The following COPZ1 variants were observed in gnomAD, a reference collection of about 807,000 sequenced individuals.
COPZ1 encodes the protein coat protein complex I subunit zeta 1, also known as coatomer subunit zeta-1.
A neutral mutation model predicts 31.7 loss-of-function variants in COPZ1; 4 were observed. The ratio of observed to expected loss-of-function variants is 0.13; its 90% CI spans 0.06 to 0.29. The LOEUF (loss-of-function observed/expected upper bound fraction) is 0.29. Ranked by LOEUF, COPZ1 falls within the 10% of genes least tolerant of loss-of-function variation. The pLI is 1.00. For missense variants in COPZ1, 156 were observed against 211.5 expected (o/e 0.74, Z 1.63); for synonymous variants, 74 against 79.0 (o/e 0.94, Z 0.33).
At chr12:54,326,124 A>AATTATTATTATTATT (rs377508362) in intron 1 of COPZ1, among the ~76,000 whole-genome samples, 3,934 of 139,132 alleles carry the variant, frequency 0.028, 94 homozygotes, top group Non-Finnish European at 0.04. Flanking sequence ...CCTGGCCAGG[A>AATTATTATTATTATT]ATTATTATTA....
Position 54,338,253 on chromosome 12 carries a change from CTTCTT to C in COPZ1, c.19-2288_19-2284del, listed in dbSNP as rs1230494583. 7.2e-5 allele frequency among the ~76,000 whole-genome samples: 11 copies of C among 152,328 alleles called. 1 individual carries two copies. Among genetic ancestry groups the C allele is most frequent in the African/African-American group, 2.6e-4 (11 of 41,572 alleles). On this transcript the variant is annotated intron_variant, in intron 1 of 8. Transcript: ENST00000262061. ...TCGTCTAAATTTTGTTCCTTTTGGACTTCTTTTCTTCCATTAAGAAAACTCATTCC... is the reference window on the plus strand; with the variant it reads ...TCGTCTAAATTTTGTTCCTTTTGGACTTCTTCCATTAAGAAAACTCATTCC...
chr12:54,343,142 C>G (rs1466453497), intron 3 of COPZ1, 83 bp from the exon 4 acceptor site: 2 of 1,061,136 alleles, frequency 1.9e-6, no homozygotes, highest in Non-Finnish European at 1.5e-6. Context: ...CAGGCATGAG[C>G]CACTGCGCCT....
intron 8 of COPZ1, 86 bp downstream of exon 8, chr12:54,349,744 G>C: frequency 9.1e-7 from 1 of 1,099,332 alleles, no homozygotes; most frequent in Non-Finnish European, 1.4e-6. Flanking sequence ...TCAAATCTGA[G>C]TGAAACTAGA....
chr12:54,327,465 CTT>C (rs1362211061), intron 1 of COPZ1, among the ~76,000 whole-genome samples: 1 of 151,622 alleles, frequency 6.6e-6, no homozygotes, highest in Non-Finnish European at 1.5e-5. Flanking sequence ...ACCTGGCTAA[CTT>C]TTTTGTATTT....
chr12:54,343,118 A>G (rs1008700768), intron 3 of COPZ1, 107 bp from the exon 4 acceptor site: 1 of 856,524 alleles, frequency 1.2e-6, no homozygotes, highest in Admixed American at 1.9e-5. Flanking sequence ...CGGCTTCCCA[A>G]GGTGCTGGGA....
chr12:54,350,041 A>G, intron 8 of COPZ1: 1 of 598,598 alleles, frequency 1.7e-6, no homozygotes, highest in Non-Finnish European at 3.0e-6. Flanking sequence ...TGCATATTCT[A>G]GAATATGCAG....
intron 1 of COPZ1, among the ~76,000 whole-genome samples, chr12:54,332,605 G>A (rs749488888): frequency 2.0e-5 from 3 of 151,964 alleles, no homozygotes; most frequent in Non-Finnish European, 2.9e-5. Context: ...GTGGTGGTGG[G>A]TGCCTGTAAT....
At chr12:54,343,106 C>A in intron 3 of COPZ1, 119 bp from the exon 4 acceptor site, 1 of 781,550 alleles carries the variant, frequency 1.3e-6, no homozygotes, top group Non-Finnish European at 2.2e-6. Flanking sequence ...ATCCGCCAGG[C>A]TCGGCTTCCC....
intron 4 of COPZ1, among the ~76,000 whole-genome samples, chr12:54,343,532 A>G (rs1954009371): frequency 6.6e-6 from 1 of 152,242 alleles, no homozygotes; most frequent in South Asian, 2.1e-4. Flanking sequence ...TGCATCCATT[A>G]GGAAACATCA....
At chr12:54,345,413 T>G in intron 4 of COPZ1, 47 bp from the exon 5 acceptor site, 1 of 1,482,192 alleles carries the variant, frequency 6.7e-7, no homozygotes, top group Non-Finnish European at 9.4e-7. Flanking sequence ...GGTAGCAGCT[T>G]TCAGGGCCTT....
intron 2 of COPZ1, among the ~76,000 whole-genome samples, chr12:54,341,565 C>T (rs1953974192): frequency 1.3e-5 from 2 of 152,214 alleles, no homozygotes; most frequent in Non-Finnish European, 2.9e-5. Flanking sequence ...AAATGCCAGA[C>T]CTGTCATGGG....
At chr12:54,331,173 CTTTTTTTTTTTTT>C (rs1000222358) in intron 1 of COPZ1, among the ~76,000 whole-genome samples, 2 of 80,270 alleles carry the variant, frequency 2.5e-5, no homozygotes, top group African/African-American at 1.0e-4. Context: ...TTTTCACACT[CTTTTTTTTTTTTT>C]TTTTTTTTTT....
chr12:54,330,400 C>T (rs1220216470), intron 1 of COPZ1, among the ~76,000 whole-genome samples: 1 of 152,206 alleles, frequency 6.6e-6, no homozygotes, highest in Admixed American at 6.5e-5. Context: ...ATTGACGCTG[C>T]TTCTAACTCT....
intron 8 of COPZ1, chr12:54,350,000 C>CT (rs1349591518): frequency 1.7e-6 from 1 of 592,028 alleles, no homozygotes; most frequent in Admixed American, 3.0e-5. Flanking sequence ...CTCTCTTTCT[C>CT]TTATTATTCA....
chr12:54,344,741 GC>G (rs1954032206), intron 4 of COPZ1: 1 of 149,968 alleles, frequency 6.7e-6, no homozygotes, highest in African/African-American at 2.5e-5. Context: ...GGGTGACAGA[GC>G]CAGACTCTCA....
intron 1 of COPZ1, among the ~76,000 whole-genome samples, chr12:54,328,027 C>G (rs1195625823): frequency 6.6e-6 from 1 of 152,038 alleles, no homozygotes; most frequent in African/African-American, 2.4e-5. Flanking sequence ...AATCCTAGCA[C>G]TTTGGGAGGC....
In COPZ1 at chr12:54,350,636, A is replaced by G; in HGVS notation, c.*113A>G. 2 of 859,466 alleles carry G rather than the reference A, an allele frequency of 2.3e-6. No individual in the cohort carries two copies. Among genetic ancestry groups the G allele is most frequent in the Non-Finnish European group, 4.0e-6 (2 of 500,752 alleles). The allele number at this position is 859,466 out of a possible 1,614,324, so 53.2% of individuals were successfully genotyped here. A position where few individuals can be genotyped will look rare whatever the true frequency, so the allele number is the denominator to read the frequency against. ...CAGGGTCATCTCGGGGATCACAGGGATCCTTAAATCTCCATTCTGTTTGTG... is the reference window on the plus strand; with the variant it reads ...CAGGGTCATCTCGGGGATCACAGGGGTCCTTAAATCTCCATTCTGTTTGTG... On this transcript the variant is annotated 3_prime_UTR_variant, in exon 9 of 9. Transcript: ENST00000262061.
intron 1 of COPZ1, among the ~76,000 whole-genome samples, chr12:54,331,170 ACT>A (rs1437127287): frequency 3.7e-5 from 4 of 107,700 alleles, no homozygotes; most frequent in East Asian, 5.3e-4. Context: ...TTATTTTCAC[ACT>A]CTTTTTTTTT....
intron 5 of COPZ1, among the ~76,000 whole-genome samples, chr12:54,346,940 C>T (rs2137111973): frequency 6.6e-6 from 1 of 152,294 alleles, no homozygotes; most frequent in South Asian, 2.1e-4. Context: ...CCTCTGTTCT[C>T]TGTTACCCGT....
Sources: allele counts gnomAD v4.1 joint callset (sites outside exome capture counted in the v4.1 genomes callset), GRCh38; gene constraint gnomAD v4.1.1; transcripts MANE v1.5; gene names NCBI Gene and HGNC (gene_info 2026-07-23, HGNC 2026-07-21).